Variants in MTF2 observed in about 807,000 individuals in gnomAD.
MTF2 encodes metal response element binding transcription factor 2.
Under a neutral mutation model 79.5 loss-of-function variants are expected in MTF2, and 11 were observed. The ratio of observed to expected loss-of-function variants is 0.14; its 90% CI spans 0.09 to 0.23. MTF2 has a LOEUF of 0.23. Among genes scored for constraint, MTF2 ranks in the 10% least tolerant of loss-of-function variants. The pLI is 1.00. For synonymous variants in MTF2, 208 were observed against 232.8 expected, an observed-to-expected ratio of 0.89 and a Z score of 0.97; for missense variants, 486 against 711.2, an observed-to-expected ratio of 0.68 and a Z score of 3.60.
chr1:93,130,038 A>G (rs1205975590), intron 11 of MTF2, among the ~76,000 whole-genome samples: 1 of 152,220 alleles, frequency 6.6e-6, no homozygotes, highest in Non-Finnish European at 1.5e-5. Flanking sequence ...TGAGAATGTT[A>G]TAACAATGTG....
At chr1:93,103,056 C>T (rs1233030108) in intron 1 of MTF2, among the ~76,000 whole-genome samples, 1 of 151,476 alleles carries the variant, frequency 6.6e-6, no homozygotes, top group African/African-American at 2.4e-5. Flanking sequence ...TGCTTGAACC[C>T]GGGAGGCAGA....
At position 93,121,129 on chromosome 1, in the gene MTF2, G is replaced by T. The variant is rs1057235044; in HGVS notation, c.921+457G>T. The stretch of plus-strand genomic sequence containing the variant: ...GATCTAATAATATTGTTAGAAAAAT[G>T]AGTTGTAGAGTGAAGCTGCCTGAAT... On this transcript the variant is annotated intron_variant, in intron 9 of 14. Transcript: ENST00000370298. 8 of 983,694 alleles carry T rather than the reference G, an allele frequency of 8.1e-6. No homozygotes were observed. The African/African-American group carries it at 1.4e-4, about 17-fold the overall frequency. The allele number at this position is 983,694 out of a possible 1,614,324, so 60.9% of individuals were successfully genotyped here. A position where few individuals can be genotyped will look rare whatever the true frequency, so the allele number is the denominator to read the frequency against.
intron 9 of MTF2, chr1:93,121,619 TTG>T (rs935589532): frequency 2.0e-6 from 2 of 976,360 alleles, no homozygotes; most frequent in Admixed American, 1.2e-4. Flanking sequence ...ATGATTTAGT[TTG>T]TAGTTTTAAA....
At position 93,136,524 on chromosome 1, in the gene MTF2, A is replaced by G. The variant is rs147935030; in HGVS notation, c.1425-146A>G. The G allele has an allele frequency of 3.1e-5, 21 of 676,972 alleles. No individual in the cohort carries two copies. In the African/African-American group the frequency reaches 3.6e-4, roughly 12 times the overall value. 41.9% of individuals were successfully genotyped at this position (676,972 alleles called of 1,614,324 possible). ...TGAGCCCAAGTGATAGTCCATTTAT[A>G]TAGCATTTATTGTTTGGGTTTGGCT... On this transcript the variant is annotated intron_variant, in intron 14 of 14. Coordinates refer to ENST00000370298, the MANE Select transcript of MTF2 (RefSeq NM_007358.4).
intron 1 of MTF2, among the ~76,000 whole-genome samples, chr1:93,087,178 C>G (rs1654880387): frequency 6.6e-6 from 1 of 152,196 alleles, no homozygotes; most frequent in South Asian, 2.1e-4. Flanking sequence ...TAGGGATGCT[C>G]AACTTGTATT....
chr1:93,104,572 G>A (rs1181983256), intron 1 of MTF2, among the ~76,000 whole-genome samples: 1 of 151,324 alleles, frequency 6.6e-6, no homozygotes, highest in Admixed American at 6.6e-5. Context: ...CCAGCTATCC[G>A]GGAGGCTGAG....
In MTF2 at chr1:93,138,442, A is replaced by G. The variant is rs1315003216; in HGVS notation, c.*1415A>G. The G allele has an allele frequency of 6.6e-6, 1 of 152,220 alleles. No homozygotes were observed. The highest frequency in any genetic ancestry group is 1.9e-4 in the East Asian group (1 of 5,204). The allele number at this position is 152,220 out of a possible 1,614,324, so 9.4% of individuals were successfully genotyped here. A position where few individuals can be genotyped will look rare whatever the true frequency, so the allele number is the denominator to read the frequency against. On this transcript the variant is annotated 3_prime_UTR_variant, in exon 15 of 15. Coordinates refer to ENST00000370298, the MANE Select transcript of MTF2 (RefSeq NM_007358.4). ...AAGTGTAGTGATTACAGAGTGGTTA[A>G]AATGTGGGTTAGTACTTATTTATTC...
At chr1:93,125,069 G>A (rs1656636470) in intron 9 of MTF2, among the ~76,000 whole-genome samples, 1 of 151,912 alleles carries the variant, frequency 6.6e-6, no homozygotes, top group African/African-American at 2.4e-5. Flanking sequence ...TCTGAGAAAC[G>A]GTAGGGAGTA....
Position 93,101,568 on chromosome 1 carries a change from G to GT in MTF2, c.6-8633dup, listed in dbSNP as rs71586778. ...TGGTCTTGCCATGTTGCTCAGGCTGGTTTTTTTTTTTTTTTTTTTTTTTTT... is the reference window on the plus strand; with the variant it reads ...TGGTCTTGCCATGTTGCTCAGGCTGGTTTTTTTTTTTTTTTTTTTTTTTTTT... On this transcript the variant is annotated intron_variant, in intron 1 of 14. Coordinates refer to ENST00000370298, the MANE Select transcript of MTF2 (RefSeq NM_007358.4). 2.2e-3 allele frequency among the ~76,000 whole-genome samples: 55 copies of GT among 25,394 alleles called. 11 individuals are homozygous for GT. Among genetic ancestry groups the GT allele is most frequent in the Admixed American group, 2.5e-3 (3 of 1,186 alleles). 16.7% of individuals were successfully genotyped at this position (25,394 alleles called of 152,430 possible).
intron 1 of MTF2, among the ~76,000 whole-genome samples, chr1:93,105,017 G>A (rs146124576): frequency 3.4e-4 from 51 of 151,766 alleles, no homozygotes; most frequent in African/African-American, 1.2e-3. Flanking sequence ...AGTGGCGGGC[G>A]CCTGTAGTCC....
intron 5 of MTF2, among the ~76,000 whole-genome samples, 187 bp from the exon 6 acceptor site, chr1:93,115,283 C>T (rs1277270949): frequency 1.3e-5 from 2 of 151,906 alleles, no homozygotes; most frequent in Non-Finnish European, 2.9e-5. Flanking sequence ...GATAGTAATA[C>T]GGGAATTGGT....
chr1:93,126,978 C>T (rs1057250108), intron 9 of MTF2, among the ~76,000 whole-genome samples: 10 of 152,018 alleles, frequency 6.6e-5, no homozygotes, highest in East Asian at 1.9e-4. Flanking sequence ...ATAAACATAT[C>T]GTTGGATTAA....
rs11414632 is a variant in MTF2 at position 93,120,301 on chromosome 1, GAAAA to G, written c.798-231_798-228del. 5.5e-3 allele frequency: 588 copies of G among 107,718 alleles called. 4 individuals carry two copies. The highest frequency in any genetic ancestry group is 8.5e-3 in the Non-Finnish European group (458 of 54,148). The allele number at this position is 107,718 out of a possible 1,614,324, so 6.7% of individuals were successfully genotyped here. The stretch of plus-strand genomic sequence containing the variant: ...GCAATCAGCGAAACTCTGTCTCCAA[GAAAA>G]AAAAAAAAAAAAAAAAGAAGTAATT... On this transcript the variant is annotated intron_variant, in intron 8 of 14. Transcript: ENST00000370298.
At chr1:93,121,345 AT>A in intron 9 of MTF2, 1 of 827,718 alleles carries the variant, frequency 1.2e-6, no homozygotes, top group Non-Finnish European at 1.5e-6. Context: ...TAGGGACCTT[AT>A]TTTTAGCTTT....
chr1:93,121,252 A>C (rs193129326), intron 9 of MTF2: 1 of 943,116 alleles, frequency 1.1e-6, no homozygotes, highest in East Asian at 1.2e-4. Context: ...AAATGAATTT[A>C]AAAGTAATGT....
chr1:93,136,473 C>T (rs1490449679), intron 14 of MTF2, among the ~76,000 whole-genome samples, 197 bp from the exon 15 acceptor site: 1 of 152,144 alleles, frequency 6.6e-6, no homozygotes, highest in East Asian at 1.9e-4. Context: ...AGTTCAGCTC[C>T]AAGAACGTGA....
intron 10 of MTF2, 120 bp from the exon 11 acceptor site, chr1:93,129,158 T>G: frequency 3.4e-6 from 2 of 590,822 alleles, no homozygotes; most frequent in Non-Finnish European, 5.3e-6. Context: ...GGGAAGTGAA[T>G]TTTTGTAGTA....
rs1463228715 is a variant in MTF2 at position 93,081,089 on chromosome 1, TATA to T, written c.5+1561_5+1563del. On this transcript the variant is annotated intron_variant, in intron 1 of 14. Coordinates refer to ENST00000370298, the MANE Select transcript of MTF2 (RefSeq NM_007358.4). ...CACACCTGCTTCCTGATACTACATTTATAATGTTAGTGGGTATTAACGGAAATG... is the reference window on the plus strand; with the variant it reads ...CACACCTGCTTCCTGATACTACATTTATGTTAGTGGGTATTAACGGAAATG... 4.6e-5 allele frequency: 7 copies of T among 152,324 alleles called. No homozygotes were observed. In the South Asian group the frequency reaches 1.2e-3, roughly 27 times the overall value. 9.4% of individuals were successfully genotyped at this position (152,324 alleles called of 1,614,324 possible). A position where few individuals can be genotyped will look rare whatever the true frequency, so the allele number is the denominator to read the frequency against.
At chr1:93,088,747 G>C (rs1192368359) in intron 1 of MTF2, among the ~76,000 whole-genome samples, 1 of 151,838 alleles carries the variant, frequency 6.6e-6, no homozygotes, top group African/African-American at 2.4e-5. Context: ...TGTGTTTTTT[G>C]GTAGAGATGG....
Sources: allele counts gnomAD v4.1 joint callset (sites outside exome capture counted in the v4.1 genomes callset), GRCh38; gene constraint gnomAD v4.1.1; transcripts MANE v1.5; gene names NCBI Gene and HGNC (gene_info 2026-07-23, HGNC 2026-07-21).